Variants in GPC5 observed in about 807,000 individuals in gnomAD.
The protein encoded by GPC5 is glypican-5.
Under a neutral mutation model 53.9 loss-of-function variants are expected in GPC5, and 47 were observed. The observed-to-expected ratio is 0.87, with a 90% CI of 0.69 to 1.11. The LOEUF is 1.11. Ranked by LOEUF, GPC5 falls within the 50% of genes most tolerant of loss-of-function variation. The pLI, the probability that GPC5 is intolerant of heterozygous loss-of-function variation, is 0.00. For synonymous variants in GPC5, 286 were observed against 263.3 expected, an observed-to-expected ratio of 1.09 and a Z score of -0.84; for missense variants, 748 against 713.1, an observed-to-expected ratio of 1.05 and a Z score of -0.56.
chr13:92,619,840 A>G (rs1354119969), intron 7 of GPC5, among the ~76,000 whole-genome samples: 1 of 152,080 alleles, frequency 6.6e-6, no homozygotes, highest in East Asian at 1.9e-4. Context: ...AGGAAATAAT[A>G]TACTAACTGA....
Position 91,859,557 on chromosome 13 carries a change from A to G in GPC5, c.1281-48380A>G, listed in dbSNP as rs562017168. Among the ~76,000 whole-genome samples, 14 of 152,086 alleles carry G rather than the reference A, an allele frequency of 9.2e-5. 2 individuals carry two copies. In the South Asian group the frequency reaches 2.9e-3, roughly 32 times the overall value. On this transcript the variant is annotated intron_variant, in intron 5 of 7. Transcript: ENST00000377067. ...TCTCTTTTAAGAACTTTAAGCTGCC[A>G]AATTCGTGAGTATAGAATTGTTCAT...
intron 7 of GPC5, among the ~76,000 whole-genome samples, chr13:92,246,872 C>CACT (rs2042654951): frequency 6.6e-6 from 1 of 152,092 alleles, no homozygotes; most frequent in African/African-American, 2.4e-5. Flanking sequence ...AGATTGAGTA[C>CACT]ACTAACTTGA....
At chr13:92,764,152 C>T (rs1029164326) in intron 7 of GPC5, among the ~76,000 whole-genome samples, 2 of 152,184 alleles carry the variant, frequency 1.3e-5, no homozygotes, top group African/African-American at 4.8e-5. Flanking sequence ...ACTGCTTTAG[C>T]TCAGGCCGAT....
intron 7 of GPC5, among the ~76,000 whole-genome samples, chr13:92,483,460 T>C (rs1033695847): frequency 6.6e-6 from 1 of 152,134 alleles, no homozygotes; most frequent in Non-Finnish European, 1.5e-5. Flanking sequence ...TAAAAAATAG[T>C]ACACCTTATA....
chr13:91,709,353 A>G (rs576463012), intron 3 of GPC5, among the ~76,000 whole-genome samples: 1 of 152,170 alleles, frequency 6.6e-6, no homozygotes, highest in Non-Finnish European at 1.5e-5. Flanking sequence ...TACTTTGCAC[A>G]TTCTGGCCTT....
intron 7 of GPC5, among the ~76,000 whole-genome samples, chr13:92,859,968 GAA>G (rs1224107784): frequency 6.6e-6 from 1 of 151,206 alleles, no homozygotes; most frequent in Non-Finnish European, 1.5e-5. Flanking sequence ...CTTCAATCCA[GAA>G]AAAAAAGTCT....
chr13:92,089,935 T>C (rs1461862296), intron 6 of GPC5, among the ~76,000 whole-genome samples: 1 of 152,238 alleles, frequency 6.6e-6, no homozygotes, highest in Non-Finnish European at 1.5e-5. Flanking sequence ...TGTTTAATTT[T>C]ATGTCAATAT....
intron 5 of GPC5, among the ~76,000 whole-genome samples, chr13:91,774,914 A>G (rs768188686): frequency 1.2e-4 from 19 of 152,160 alleles, no homozygotes; most frequent in Middle Eastern, 3.2e-3. Flanking sequence ...ACTACCCCCA[A>G]TAAATCTCTT....
intron 5 of GPC5, among the ~76,000 whole-genome samples, chr13:91,845,724 T>C (rs1236944158): frequency 6.6e-6 from 1 of 152,158 alleles, no homozygotes; most frequent in Non-Finnish European, 1.5e-5. Context: ...TATTAAATAG[T>C]ATTACCGTGT....
In GPC5 at chr13:92,078,511, G is replaced by GTT. The variant is rs200656846; in HGVS notation, c.1402-66318_1402-66317insTT. 1.7e-4 allele frequency among the ~76,000 whole-genome samples: 26 copies of GTT among 152,304 alleles called. No individual in the cohort carries two copies. The East Asian group carries it at 4.8e-3, about 28-fold the overall frequency. On this transcript the variant is annotated intron_variant, in intron 6 of 7. Transcript: ENST00000377067. ...ATGCTTGACATAGAATAAATGCTAT[G>GTT]TAAGTGTTAGCCATGATTAGTATTT...
At chr13:92,672,357 G>A (rs1268531543) in intron 7 of GPC5, among the ~76,000 whole-genome samples, 1 of 152,116 alleles carries the variant, frequency 6.6e-6, no homozygotes, top group African/African-American at 2.4e-5. Flanking sequence ...CAGCCAGAAT[G>A]GCTGTTATTA....
At chr13:91,407,664 G>T (rs1445917277) in intron 1 of GPC5, among the ~76,000 whole-genome samples, 1 of 152,114 alleles carries the variant, frequency 6.6e-6, no homozygotes, top group South Asian at 2.1e-4. Flanking sequence ...TTAATCCCAT[G>T]TCGGGAGTAA....
intron 2 of GPC5, among the ~76,000 whole-genome samples, chr13:91,497,007 G>T (rs1270524011): frequency 1.3e-5 from 2 of 151,732 alleles, no homozygotes; most frequent in Non-Finnish European, 2.9e-5. Context: ...TTGCTTTTCT[G>T]TTTATTTTCT....
rs1209916275 is a variant in GPC5, at chr13:92,527,159, AG to A, written c.1562-339122del. Among the ~76,000 whole-genome samples the A allele has an allele frequency of 2.0e-4, 26 of 126,972 alleles. 1 individual carries two copies. Among genetic ancestry groups the A allele is most frequent in the African/African-American group, 7.3e-4 (24 of 33,016 alleles). The allele number at this position is 126,972 out of a possible 152,430, so 83.3% of individuals were successfully genotyped here. On this transcript the variant is annotated intron_variant, in intron 7 of 7. Transcript: ENST00000377067. Reference sequence around the variant, plus strand: ...AAGAAAGAAAGAAAGAAAGAAAGAAAGAAAGAAAGAAAGAGAAAGAAAGAAG... The same window carrying A: ...AAGAAAGAAAGAAAGAAAGAAAGAAAAAAGAAAGAAAGAGAAAGAAAGAAG...
At chr13:91,705,864 C>CT (rs1032654938) in intron 3 of GPC5, among the ~76,000 whole-genome samples, 2 of 147,374 alleles carry the variant, frequency 1.4e-5, no homozygotes, top group East Asian at 2.0e-4. Flanking sequence ...TAACTTTTTT[C>CT]TTTTTTTTTC....
intron 6 of GPC5, among the ~76,000 whole-genome samples, chr13:92,055,661 T>C (rs2138844975): frequency 6.6e-6 from 1 of 152,340 alleles, no homozygotes; most frequent in East Asian, 1.9e-4. Context: ...CTTGTTTCCT[T>C]CCCATAGGGG....
intron 2 of GPC5, among the ~76,000 whole-genome samples, chr13:91,571,999 GTA>G (rs1491252419): frequency 7.0e-6 from 1 of 143,108 alleles, no homozygotes; most frequent in Middle Eastern, 3.9e-3. Context: ...GTGTATATGT[GTA>G]TATATGCATA....
chr13:92,360,217 T>G (rs2043554706), intron 7 of GPC5, among the ~76,000 whole-genome samples: 1 of 151,714 alleles, frequency 6.6e-6, no homozygotes, highest in East Asian at 1.9e-4. Context: ...TTTAAAATCC[T>G]TAACAAAATA....
At chr13:92,011,394 CAA>C (rs1476686756) in intron 6 of GPC5, among the ~76,000 whole-genome samples, 1 of 152,164 alleles carries the variant, frequency 6.6e-6, no homozygotes, top group East Asian at 1.9e-4. Flanking sequence ...TCTGAAAAGT[CAA>C]AGTCACAGGA....
Sources: allele counts gnomAD v4.1 joint callset (sites outside exome capture counted in the v4.1 genomes callset), GRCh38; gene constraint gnomAD v4.1.1; transcripts MANE v1.5; gene names NCBI Gene and HGNC (gene_info 2026-07-23, HGNC 2026-07-21).